The following INTS8 variants were observed in gnomAD, a reference collection of about 807,000 sequenced individuals.
INTS8 encodes integrator complex subunit 8.
INTS8 carries 47 observed loss-of-function variants against 138.9 expected under a neutral mutation model. The ratio of observed to expected loss-of-function variants is 0.34; its 90% CI spans 0.27 to 0.43. INTS8 has a LOEUF of 0.43. Ranked by LOEUF, INTS8 falls within the 20% of genes least tolerant of loss-of-function variation. The probability of loss-of-function intolerance (pLI) is 1.00; values close to 1 mark genes in which losing one functional copy is unlikely to be tolerated. For missense variants in INTS8, 996 were observed against 1,173.0 expected (o/e 0.85, Z 2.20); for synonymous variants, 392 against 400.9 (o/e 0.98, Z 0.27).
At chr8:94,866,886 T>C (rs542303714) in intron 18 of INTS8, 15 of 396,602 alleles carry the variant, frequency 3.8e-5, no homozygotes, top group African/African-American at 3.1e-4. Context: ...ATGTGAGGAG[T>C]TGAGCGTGGA....
intron 5 of INTS8, among the ~76,000 whole-genome samples, chr8:94,830,587 T>C (rs1586468284): frequency 6.6e-6 from 1 of 152,082 alleles, no homozygotes; most frequent in East Asian, 1.9e-4. Flanking sequence ...AGCCTCCACC[T>C]CCCAGCCTCA....
intron 10 of INTS8, among the ~76,000 whole-genome samples, chr8:94,846,878 A>G (rs1022993224): frequency 2.0e-5 from 3 of 152,094 alleles, no homozygotes; most frequent in Non-Finnish European, 4.4e-5. Flanking sequence ...TTACCTGTTC[A>G]TGTGATAAAG....
At position 94,881,458 on chromosome 8, in the gene INTS8, T is replaced by C. The variant is rs1172861125; in HGVS notation, c.*1224T>C. The C allele has an allele frequency of 8.3e-6, 5 of 599,676 alleles. No individual in the cohort carries two copies. The African/African-American group carries it at 9.4e-5, about 11-fold the overall frequency. The allele number at this position is 599,676 out of a possible 1,614,324, so 37.1% of individuals were successfully genotyped here. A position where few individuals can be genotyped will look rare whatever the true frequency, so the allele number is the denominator to read the frequency against. On this transcript the variant is annotated 3_prime_UTR_variant, in exon 27 of 27. Transcript: ENST00000523731. ...CTTTAACAGCTAACATAGGAAATAA[T>C]TAAATGTATTCTTTAGTGCCAATTG...
chr8:94,842,512 T>A (rs201969770), intron 10 of INTS8, 24 bp downstream of exon 10: 204 of 1,571,646 alleles, frequency 1.3e-4, no homozygotes, highest in Non-Finnish European at 1.7e-4. Context: ...TTCTTTCCCC[T>A]TTTGATTTAT....
chr8:94,852,592 T>G (rs906569204), intron 13 of INTS8, among the ~76,000 whole-genome samples: 1 of 151,760 alleles, frequency 6.6e-6, no homozygotes, highest in Admixed American at 6.6e-5. Context: ...ATGTATGGTT[T>G]GTTTTTTTTT....
rs1816785236 is a variant in INTS8 at position 94,880,910 on chromosome 8, G to C, written c.*676G>C. The C allele has an allele frequency of 2.5e-6, 1 of 398,606 alleles. No individual in the cohort carries two copies. The highest frequency in any genetic ancestry group is 4.4e-6 in the Non-Finnish European group (1 of 225,936). 24.7% of individuals were successfully genotyped at this position (398,606 alleles called of 1,614,324 possible). A position where few individuals can be genotyped will look rare whatever the true frequency, so the allele number is the denominator to read the frequency against. On this transcript the variant is annotated 3_prime_UTR_variant, in exon 27 of 27. Transcript: ENST00000523731. Reference sequence around the variant, plus strand: ...CAACCTACATGTCAAGAAAGCCCCAGTTAGGAAGGAGCCACAGCATTTATC... The same window carrying C: ...CAACCTACATGTCAAGAAAGCCCCACTTAGGAAGGAGCCACAGCATTTATC...
At chr8:94,835,775 T>C (rs1232984864) in intron 6 of INTS8, among the ~76,000 whole-genome samples, 3 of 152,158 alleles carry the variant, frequency 2.0e-5, no homozygotes, top group Non-Finnish European at 4.4e-5. Context: ...AATTTTTGTA[T>C]TTTTAGTAGA....
chr8:94,826,146 C>T (rs1162163138), intron 2 of INTS8, among the ~76,000 whole-genome samples: 1 of 152,158 alleles, frequency 6.6e-6, no homozygotes, highest in Non-Finnish European at 1.5e-5. Context: ...ATTGCTGGAT[C>T]GTGCAGTATA....
intron 10 of INTS8, 104 bp downstream of exon 10, chr8:94,842,592 G>A (rs11786389): frequency 2.2e-5 from 20 of 897,364 alleles, no homozygotes; most frequent in Non-Finnish European, 3.0e-5. Context: ...TCTGCCTTGC[G>A]TTTCTGTGCC....
At chr8:94,867,628 A>G (rs1370999588) in intron 20 of INTS8, 2 of 230,680 alleles carry the variant, frequency 8.7e-6, no homozygotes, top group Non-Finnish European at 1.6e-5. Flanking sequence ...GGCTCAAGCA[A>G]TTCTCATGCC....
At chr8:94,852,328 G>A (rs1194597993) in intron 13 of INTS8, among the ~76,000 whole-genome samples, 1 of 151,974 alleles carries the variant, frequency 6.6e-6, no homozygotes, top group African/African-American at 2.4e-5. Context: ...GAACATTTTT[G>A]GCTTTAAATG....
chr8:94,834,430 A>G (rs1814847785), intron 6 of INTS8, among the ~76,000 whole-genome samples: 1 of 151,466 alleles, frequency 6.6e-6, no homozygotes, highest in African/African-American at 2.4e-5. Context: ...CCTTTACTCC[A>G]GATAGGAGGA....
rs1410912373 is a variant in INTS8 at position 94,823,378 on chromosome 8, A to G, written c.-54A>G. The G allele has an allele frequency of 2.7e-6, 4 of 1,505,442 alleles. No homozygotes were observed. The highest frequency in any genetic ancestry group is 1.4e-5 in the African/African-American group (1 of 71,720). The allele number at this position is 1,505,442 out of a possible 1,614,324, so 93.3% of individuals were successfully genotyped here. A position where few individuals can be genotyped will look rare whatever the true frequency, so the allele number is the denominator to read the frequency against. ...TACCCCAGGCACCGGCCCGCATCCA[A>G]GTGTCAGGTTGGAGCCGGGAAGCGG... On this transcript the variant is annotated 5_prime_UTR_variant, in exon 1 of 27. Transcript: ENST00000523731.
At chr8:94,837,426 G>A (rs1814964894) in intron 7 of INTS8, among the ~76,000 whole-genome samples, 1 of 152,052 alleles carries the variant, frequency 6.6e-6, no homozygotes, top group Non-Finnish European at 1.5e-5. Flanking sequence ...AAATGCCCTA[G>A]AGGTTTAAAT....
chr8:94,870,161 C>T (rs1326017042), intron 20 of INTS8, among the ~76,000 whole-genome samples: 1 of 151,924 alleles, frequency 6.6e-6, no homozygotes, highest in Non-Finnish European at 1.5e-5. Flanking sequence ...ACGCCATTCT[C>T]CTGCCTCAGC....
intron 2 of INTS8, among the ~76,000 whole-genome samples, chr8:94,825,439 AAAT>A (rs1233266586): frequency 6.7e-6 from 1 of 150,358 alleles, no homozygotes; most frequent in Non-Finnish European, 1.5e-5. Context: ...AAAAAAAAAA[AAAT>A]AATAAAATAA....
chr8:94,843,683 TTTGTG>T (rs1219664410), intron 10 of INTS8, among the ~76,000 whole-genome samples: 2 of 152,178 alleles, frequency 1.3e-5, no homozygotes, highest in African/African-American at 4.8e-5. Context: ...TGGAGGGACA[TTTGTG>T]TTGTTTATAG....
chr8:94,867,119 T>G, intron 18 of INTS8, 21 bp from the exon 19 acceptor site: 1 of 1,565,222 alleles, frequency 6.4e-7, no homozygotes, highest in Non-Finnish European at 8.7e-7. Context: ...GTTTAAGGAT[T>G]CTGTGTTTTC....
intron 10 of INTS8, 145 bp from the exon 11 acceptor site, chr8:94,849,317 C>A: frequency 1.7e-6 from 1 of 602,254 alleles, no homozygotes; most frequent in Non-Finnish European, 3.0e-6. Context: ...GGTCTGGTCT[C>A]TTCTGTTAAG....
Sources: allele counts gnomAD v4.1 joint callset (sites outside exome capture counted in the v4.1 genomes callset), GRCh38; gene constraint gnomAD v4.1.1; transcripts MANE v1.5; gene names NCBI Gene and HGNC (gene_info 2026-07-23, HGNC 2026-07-21).